The following CLVS1 variants were observed in gnomAD, a reference collection of about 807,000 sequenced individuals.
CLVS1 encodes the protein clavesin-1.
Under a neutral mutation model 33.1 loss-of-function variants are expected in CLVS1, and 10 were observed. The ratio of observed to expected loss-of-function variants is 0.30; its 90% CI spans 0.19 to 0.51. The LOEUF is 0.51. Ranked by LOEUF, CLVS1 falls within the 20% of genes least tolerant of loss-of-function variation. The pLI, the probability that CLVS1 is intolerant of heterozygous loss-of-function variation, is 0.97. For synonymous variants in CLVS1, 163 were observed against 166.1 expected (o/e 0.98, Z 0.14); for missense variants, 343 against 433.4 (o/e 0.79, Z 1.85).
chr8:61,255,940 AT>A (rs1375614679), intron 2 of CLVS1, among the ~76,000 whole-genome samples: 1 of 152,134 alleles, frequency 6.6e-6, no homozygotes, highest in African/African-American at 2.4e-5. Context: ...TTTGAGTTTT[AT>A]TTTTTATATG....
chr8:61,210,626 C>T (rs1292595955), intron 2 of CLVS1, among the ~76,000 whole-genome samples: 2 of 152,196 alleles, frequency 1.3e-5, no homozygotes, highest in Non-Finnish European at 2.9e-5. Flanking sequence ...TGCAAACAAC[C>T]TTGTGAGCTT....
intron 2 of CLVS1, among the ~76,000 whole-genome samples, chr8:61,154,351 T>C (rs1385333457): frequency 6.6e-6 from 1 of 152,090 alleles, no homozygotes; most frequent in East Asian, 1.9e-4. Context: ...TCAAATGCAG[T>C]GGAGGTAACA....
intron 2 of CLVS1, among the ~76,000 whole-genome samples, chr8:61,192,226 A>C (rs1422898376): frequency 6.6e-6 from 1 of 152,190 alleles, no homozygotes; most frequent in Non-Finnish European, 1.5e-5. Flanking sequence ...AATACCACAC[A>C]TCTACAACTA....
At chr8:61,372,266 T>C (rs2129601313) in intron 2 of CLVS1, among the ~76,000 whole-genome samples, 1 of 152,272 alleles carries the variant, frequency 6.6e-6, no homozygotes, top group East Asian at 1.9e-4. Flanking sequence ...TCTAGAAATG[T>C]CTTCTCTTCT....
At chr8:61,224,544 G>A (rs1404459799) in intron 2 of CLVS1, among the ~76,000 whole-genome samples, 3 of 152,184 alleles carry the variant, frequency 2.0e-5, no homozygotes, top group African/African-American at 7.2e-5. Flanking sequence ...ATGAGTGACT[G>A]CTCCTTCTTC....
intron 2 of CLVS1, among the ~76,000 whole-genome samples, chr8:61,306,581 G>A (rs1250945542): frequency 1.3e-5 from 2 of 152,108 alleles, no homozygotes; most frequent in Non-Finnish European, 2.9e-5. Context: ...TCCATATGCT[G>A]GCTATTGTTA....
intron 2 of CLVS1, among the ~76,000 whole-genome samples, chr8:61,366,220 C>T (rs1813205387): frequency 6.6e-6 from 1 of 152,146 alleles, no homozygotes; most frequent in South Asian, 2.1e-4. Flanking sequence ...GAAATAAACC[C>T]TTCCCCATTT....
At chr8:61,155,854 C>A (rs1806636321) in intron 2 of CLVS1, among the ~76,000 whole-genome samples, 1 of 152,134 alleles carries the variant, frequency 6.6e-6, no homozygotes, top group Admixed American at 6.5e-5. Context: ...GAAACTGTTA[C>A]CCCAGGCACT....
chr8:61,104,118 A>T (rs1805495082), intron 1 of CLVS1, among the ~76,000 whole-genome samples: 1 of 152,228 alleles, frequency 6.6e-6, no homozygotes, highest in South Asian at 2.1e-4. Flanking sequence ...GAAAATAAGC[A>T]AATTTAGCTC....
chr8:61,090,749 G>C, intron 1 of CLVS1: 1 of 419,470 alleles, frequency 2.4e-6, no homozygotes, highest in Non-Finnish European at 4.6e-6. Context: ...CATAAAACTT[G>C]TTTCCTAATT....
chr8:61,172,233 G>GT (rs1807017353), intron 2 of CLVS1, among the ~76,000 whole-genome samples: 1 of 152,116 alleles, frequency 6.6e-6, no homozygotes, highest in Non-Finnish European at 1.5e-5. Context: ...GCACTTAGAG[G>GT]TTTTTGGCTC....
At chr8:61,188,188 T>C (rs1235355555) in intron 2 of CLVS1, among the ~76,000 whole-genome samples, 2 of 152,114 alleles carry the variant, frequency 1.3e-5, no homozygotes, top group Admixed American at 1.3e-4. Flanking sequence ...AGACTAAACC[T>C]CTCATGGCAT....
intron 1 of CLVS1, among the ~76,000 whole-genome samples, chr8:61,057,492 T>C (rs1046588705): frequency 2.0e-5 from 3 of 152,148 alleles, no homozygotes; most frequent in Non-Finnish European, 4.4e-5. Flanking sequence ...TGAGTACATG[T>C]TGGAGGAAGA....
At chr8:61,176,255 A>G (rs141654857) in intron 2 of CLVS1, among the ~76,000 whole-genome samples, 6 of 152,192 alleles carry the variant, frequency 3.9e-5, no homozygotes, top group South Asian at 2.1e-4. Context: ...CCTTATTGCT[A>G]TGTGAACCCA....
chr8:61,247,840 T>C (rs1349742325), intron 2 of CLVS1, among the ~76,000 whole-genome samples: 2 of 152,242 alleles, frequency 1.3e-5, no homozygotes, highest in Non-Finnish European at 2.9e-5. Context: ...TCTGGTGTTT[T>C]TGTCATGAAA....
At chr8:61,425,818 C>T (rs1001956512) in intron 3 of CLVS1, among the ~76,000 whole-genome samples, 1 of 152,146 alleles carries the variant, frequency 6.6e-6, no homozygotes, top group Non-Finnish European at 1.5e-5. Context: ...GTAGACAGTT[C>T]CACATGTCAC....
In CLVS1 at chr8:61,116,882, A is replaced by C. The variant is rs540591729; in HGVS notation, c.-242-14888A>C. 5.8e-3 allele frequency among the ~76,000 whole-genome samples: 832 copies of C among 144,110 alleles called. 2 individuals carry two copies. The highest frequency in any genetic ancestry group is 1.0e-2 in the Non-Finnish European group (656 of 65,914). The allele number at this position is 144,110 out of a possible 152,430, so 94.5% of individuals were successfully genotyped here. On this transcript the variant is annotated intron_variant, in intron 1 of 2. Transcript: ENST00000522621. Reference sequence around the variant, plus strand: ...CTTTTTTGGTTCCATATGAACTTTAAAGTAGTTTTTTCCAATTCTGTGAAG... The same window carrying C: ...CTTTTTTGGTTCCATATGAACTTTACAGTAGTTTTTTCCAATTCTGTGAAG...
intron 2 of CLVS1, among the ~76,000 whole-genome samples, chr8:61,198,118 A>G (rs1014398786): frequency 2.0e-5 from 3 of 152,154 alleles, no homozygotes; most frequent in African/African-American, 7.2e-5. Context: ...TTCCTTCCAG[A>G]GGTACAAATG....
intron 2 of CLVS1, among the ~76,000 whole-genome samples, chr8:61,226,018 A>G (rs1342500239): frequency 6.6e-6 from 1 of 152,226 alleles, no homozygotes; most frequent in Non-Finnish European, 1.5e-5. Context: ...TACCATGGCA[A>G]AGTCATCTTT....
Sources: gnomAD v4.1 joint callset for allele counts (sites outside exome capture counted in the v4.1 genomes callset) on GRCh38, gnomAD v4.1.1 for gene constraint, MANE v1.5 for transcripts, NCBI Gene and HGNC (gene_info 2026-07-23, HGNC 2026-07-21) for gene names.